The following TTC24 variants were observed in gnomAD, a reference collection of about 807,000 sequenced individuals.
TTC24 encodes the protein tetratricopeptide repeat protein 24.
A neutral mutation model predicts 63.3 loss-of-function variants in TTC24; 54 were observed. That is an observed-to-expected ratio of 0.85 (90% CI 0.69 to 1.07). TTC24 has a LOEUF of 1.07. Ranked by LOEUF, TTC24 falls within the 50% of genes least tolerant of loss-of-function variation. TTC24 has a pLI of 0.00. For synonymous variants in TTC24, 276 were observed against 304.3 expected (o/e 0.91, Z 0.97); for missense variants, 680 against 730.5 (o/e 0.93, Z 0.80).
At chr1:156,585,057 T>A in intron 7 of TTC24, 68 bp from the exon 8 acceptor site, 1 of 1,535,192 alleles carries the variant, frequency 6.5e-7, no homozygotes, top group Non-Finnish European at 8.9e-7. Context: ...GGACCCCATG[T>A]GTATCCCCAG....
chr1:156,582,735 T>C (rs377563204), intron 3 of TTC24, among the ~76,000 whole-genome samples: 6 of 152,194 alleles, frequency 3.9e-5, no homozygotes, highest in East Asian at 3.9e-4. Flanking sequence ...TTGTGTGACA[T>C]TGAGGAACCA....
chr1:156,585,035 C>T (rs2102477649), intron 7 of TTC24, 61 bp downstream of exon 7: 2 of 1,535,838 alleles, frequency 1.3e-6, no homozygotes, highest in South Asian at 1.2e-5. Flanking sequence ...TGGGGGCTGT[C>T]GCAGTGGGGT....
chr1:156,581,959 G>A lies in TTC24; in HGVS notation c.595G>A (p.Ala199Thr). 1.3e-6 allele frequency: 2 copies of A among 1,536,368 alleles called. No individual in the cohort carries two copies. The highest frequency in any genetic ancestry group is 1.8e-6 in the Non-Finnish European group (2 of 1,141,940). ...GCGGGCCGCAGCCCTGGCACTGGGG[G>A]CTGCGGCAGGATGTATGCTGAAGAG... is the stretch of plus-strand genomic sequence containing the variant. Reference protein sequence around the residue: ...QLRAAALALGAAAGCMLKSGR... With the variant: ...QLRAAALALGTAAGCMLKSGR... Residue 199 changes from alanine (A) to threonine (T), a missense_variant, in exon 2 of 11, where the codon GCT becomes ACT. By Grantham distance (58) the Ala-to-Thr change is moderately conservative. Coordinates refer to ENST00000368236, the MANE Select transcript of TTC24 (RefSeq NM_001105669.4).
intron 10 of TTC24, 121 bp from the exon 11 acceptor site, chr1:156,586,348 C>A: frequency 2.5e-6 from 2 of 815,380 alleles, no homozygotes; most frequent in South Asian, 1.6e-5. Flanking sequence ...CCCTCCTTCT[C>A]TGGAGCCCAC....
rs776178349 is a variant in TTC24, at chr1:156,585,909, G to A, written c.1571-40G>A. The A allele has an allele frequency of 2.5e-6, 4 of 1,595,966 alleles. No homozygotes were observed. The African/African-American group carries it at 5.4e-5, about 21-fold the overall frequency. On this transcript the variant is annotated intron_variant, in intron 9 of 10. Coordinates refer to ENST00000368236, the MANE Select transcript of TTC24 (RefSeq NM_001105669.4). ...TTCCACCATGATAGTTCTTGGTGCA[G>A]AGAGGCACGTGATGAATGTGTCTGT...
In TTC24 at chr1:156,583,717, C is replaced by CGGGG; in HGVS notation, c.1153-80_1153-79insGGGG. 1 of 1,073,246 alleles carries CGGGG rather than the reference C, an allele frequency of 9.3e-7. No homozygotes were observed. Among genetic ancestry groups the CGGGG allele is most frequent in the Non-Finnish European group, 1.4e-6 (1 of 722,438 alleles). The allele number at this position is 1,073,246 out of a possible 1,614,324, so 66.5% of individuals were successfully genotyped here. ...AAAGCCCCCCTCCCCCCTCCCTTTC[C>CGGGG]TGTTTCCTTCTTCCCCAACCCCCAG... On this transcript the variant is annotated intron_variant, in intron 5 of 10. Transcript: ENST00000368236. The surrounding 1 kb of genome is among the most constrained non-coding windows in gnomAD (Gnocchi z 4.0).
intron 1 of TTC24, among the ~76,000 whole-genome samples, chr1:156,580,551 C>T (rs967326116): frequency 3.9e-5 from 6 of 152,174 alleles, no homozygotes; most frequent in African/African-American, 1.4e-4. Context: ...GATCTCAGCT[C>T]ACTGCAACCT....
rs1677183401 is a variant in TTC24 at position 156,586,614 on chromosome 1, G to T, written c.*64G>T. The T allele has an allele frequency of 6.9e-7, 1 of 1,447,312 alleles. No individual in the cohort carries two copies. The highest frequency in any genetic ancestry group is 9.6e-7 in the Non-Finnish European group (1 of 1,043,832). 89.7% of individuals were successfully genotyped at this position (1,447,312 alleles called of 1,614,324 possible). On this transcript the variant is annotated 3_prime_UTR_variant, in exon 11 of 11. Coordinates refer to ENST00000368236, the MANE Select transcript of TTC24 (RefSeq NM_001105669.4). Reference sequence around the variant, plus strand: ...CTGTCCAACACGCACACACTAGGGGGTCCTGGGGACCAAGCCTCTTCCCAG... The same window carrying T: ...CTGTCCAACACGCACACACTAGGGGTTCCTGGGGACCAAGCCTCTTCCCAG...
Position 156,583,395 on chromosome 1 carries a change from T to C in TTC24, c.1097T>C (p.Leu366Pro). 1 of 1,612,418 alleles carries C rather than the reference T, an allele frequency of 6.2e-7. No individual in the cohort carries two copies. Among genetic ancestry groups the C allele is most frequent in the South Asian group, 1.1e-5 (1 of 90,922 alleles). Residue 366 changes from leucine (L) to proline (P), a missense_variant, in exon 5 of 11, where the codon CTG (leucine) becomes CCG (proline). Transcript: ENST00000368236. This position sits in a 1 kb window ranked among gnomAD's most constrained non-coding sequence, Gnocchi z 4.0. ...GGTCTGGGGGCTGCTGCAGCCAGGC[T>C]GGGGCAGTATGACCAGGCCTTGAAG... ...CEGLGAAAAR[L>P]GQYDQALKYY... is the part of the protein sequence containing the mutation.
rs777342871 is a variant in TTC24, at chr1:156,583,375, G to T, written c.1077G>T (p.Leu359=). 1.7e-5 allele frequency: 27 copies of T among 1,612,040 alleles called. No individual in the cohort carries two copies. The highest frequency in any genetic ancestry group is 2.3e-5 in the Non-Finnish European group (27 of 1,179,304). ...MKGQWQACEG[L]GAAAARLGQY... Reference sequence around the variant, plus strand: ...GACAGTGGCAGGCCTGTGAGGGTCTGGGGGCTGCTGCAGCCAGGCTGGGGC... The same window carrying T: ...GACAGTGGCAGGCCTGTGAGGGTCTTGGGGCTGCTGCAGCCAGGCTGGGGC... The change falls in exon 5 of 11, where the codon CTG becomes CTT. Residue 359 remains leucine (L), a synonymous_variant. Transcript: ENST00000368236. This position sits in a 1 kb window ranked among gnomAD's most constrained non-coding sequence, Gnocchi z 4.0.
intron 1 of TTC24, among the ~76,000 whole-genome samples, chr1:156,580,335 T>G (rs1486908269): frequency 6.6e-6 from 1 of 152,204 alleles, no homozygotes; most frequent in African/African-American, 2.4e-5. Flanking sequence ...AGGGGCTCAC[T>G]GAGTGCTTGT....
chr1:156,582,082 G>T lies in TTC24; in HGVS notation c.706+12G>T. On this transcript the variant is annotated intron_variant, in intron 2 of 10. Coordinates refer to ENST00000368236, the MANE Select transcript of TTC24 (RefSeq NM_001105669.4). Reference sequence around the variant, plus strand: ...GAGGCGACTGCTGGGTGAGACCTTCGGGCAGGGAAGGCATGGGATCTGGGG... The same window carrying T: ...GAGGCGACTGCTGGGTGAGACCTTCTGGCAGGGAAGGCATGGGATCTGGGG... The T allele has an allele frequency of 6.8e-7, 1 of 1,464,122 alleles. No homozygotes were observed. Among genetic ancestry groups the T allele is most frequent in the South Asian group, 1.5e-5 (1 of 68,890 alleles). 90.7% of individuals were successfully genotyped at this position (1,464,122 alleles called of 1,614,324 possible). A position where few individuals can be genotyped will look rare whatever the true frequency, so the allele number is the denominator to read the frequency against.
chr1:156,582,606 CAG>C (rs1677031971), intron 3 of TTC24, among the ~76,000 whole-genome samples, 172 bp downstream of exon 3: 1 of 152,118 alleles, frequency 6.6e-6, no homozygotes, highest in South Asian at 2.1e-4. Context: ...CCAGACAGGA[CAG>C]AGGGTTGTGG....
rs1677194903 is a variant in TTC24 at position 156,587,071 on chromosome 1, G to C, written c.*521G>C. The stretch of plus-strand genomic sequence containing the variant: ...TGCCAGCAGCCACAGGAACAGTGAT[G>C]TGATGTAACATTTCCCAAGTACTTA... On this transcript the variant is annotated 3_prime_UTR_variant, in exon 11 of 11. Transcript: ENST00000368236. Among the ~76,000 whole-genome samples, 2 of 142,564 alleles carry C rather than the reference G, an allele frequency of 1.4e-5. No homozygotes were observed. Among genetic ancestry groups the C allele is most frequent in the African/African-American group, 4.9e-5 (2 of 40,606 alleles). The allele number at this position is 142,564 out of a possible 152,430, so 93.5% of individuals were successfully genotyped here.
intron 2 of TTC24, 80 bp from the exon 3 acceptor site, chr1:156,582,151 C>A: frequency 6.8e-7 from 1 of 1,470,082 alleles, no homozygotes; most frequent in Non-Finnish European, 9.0e-7. Context: ...GTTTGGGGAA[C>A]CCTGGAGGAG....
chr1:156,581,266 C>T, intron 1 of TTC24, 95 bp from the exon 2 acceptor site: 1 of 868,988 alleles, frequency 1.2e-6, no homozygotes, highest in Non-Finnish European at 1.7e-6. Context: ...GAGGGTCATG[C>T]TAGGGCAGGG....
At position 156,583,553 on chromosome 1, in the gene TTC24, G is replaced by T; in HGVS notation, c.1152+103G>T. The stretch of plus-strand genomic sequence containing the variant: ...CTTCTCCCCATCACTCACTCAATCA[G>T]CAAACATGCACTGGACACACTGTGT... On this transcript the variant is annotated intron_variant, in intron 5 of 10. Coordinates refer to ENST00000368236, the MANE Select transcript of TTC24 (RefSeq NM_001105669.4). This position sits in a 1 kb window ranked among gnomAD's most constrained non-coding sequence, Gnocchi z 4.0. 1 of 997,862 alleles carries T rather than the reference G, an allele frequency of 1.0e-6. No individual in the cohort carries two copies. Among genetic ancestry groups the T allele is most frequent in the Non-Finnish European group, 1.5e-6 (1 of 675,512 alleles). The allele number at this position is 997,862 out of a possible 1,614,324, so 61.8% of individuals were successfully genotyped here.
chr1:156,583,600 G>C lies in TTC24; in HGVS notation c.1152+150G>C, dbSNP rs1677068082. ...GTGTGCTAGGTCTTGGGATACTATT[G>C]TGAGGAAGAGTTCATCGCTGTCCAC... On this transcript the variant is annotated intron_variant, in intron 5 of 10. Coordinates refer to ENST00000368236, the MANE Select transcript of TTC24 (RefSeq NM_001105669.4). This position sits in a 1 kb window ranked among gnomAD's most constrained non-coding sequence, Gnocchi z 4.0. 6 of 878,742 alleles carry C rather than the reference G, an allele frequency of 6.8e-6. No individual in the cohort carries two copies. The South Asian group carries it at 1.0e-4, about 15-fold the overall frequency. The allele number at this position is 878,742 out of a possible 1,614,324, so 54.4% of individuals were successfully genotyped here.
At position 156,581,696 on chromosome 1, in the gene TTC24, C is replaced by T. The variant is rs1677000505; in HGVS notation, c.332C>T (p.Ala111Val). The T allele has an allele frequency of 1.9e-6, 3 of 1,551,660 alleles. No individual in the cohort carries two copies. The highest frequency in any genetic ancestry group is 1.4e-5 in the African/African-American group (1 of 73,074). ...CTGCGAGCCCACCCTGAAGAGAAGG[C>T]ACAGGGCAGGCGACACGGCGACCAA... ...LLLRAHPEEK[A>V]QGRRHGDQCF... The change falls in exon 2 of 11, where the codon GCA becomes GTA. Residue 111 changes from alanine to valine, a missense_variant. Ala to Val is a moderately conservative substitution (Grantham distance 64). Coordinates refer to ENST00000368236, the MANE Select transcript of TTC24 (RefSeq NM_001105669.4).
Sources: gnomAD v4.1 joint callset for allele counts (sites outside exome capture counted in the v4.1 genomes callset) on GRCh38, gnomAD v4.1.1 for gene constraint, Gnocchi (gnomAD v3.1) non-coding constraint, MANE v1.5 for transcripts, NCBI Gene and HGNC (gene_info 2026-07-23, HGNC 2026-07-21) for gene names.